METTL21A: variants seen among roughly 807,000 people sequenced by gnomAD.
METTL21A encodes protein N-lysine methyltransferase METTL21A.
In METTL21A, 22 loss-of-function variants were observed where a neutral mutation model predicts 20.9. That is an observed-to-expected ratio of 1.05 (90% CI 0.75 to 1.50). The LOEUF is 1.50. Among genes scored for constraint, METTL21A ranks in the 40% most tolerant of loss-of-function variants. METTL21A has a pLI of 0.00. For missense variants in METTL21A, 271 were observed against 266.8 expected, an observed-to-expected ratio of 1.02 and a Z score of -0.11; for synonymous variants, 93 against 102.0, an observed-to-expected ratio of 0.91 and a Z score of 0.53.
downstream of METTL21A, chr2:207,580,833 T>A (rs2082874750): frequency 4.5e-6 from 1 of 221,402 alleles, no homozygotes. Context: ...TGTGCCCATC[T>A]GGGTCTAGGA....
intron 3 of METTL21A, among the ~76,000 whole-genome samples, chr2:207,590,492 T>C (rs753570505): frequency 2.6e-5 from 4 of 152,108 alleles, no homozygotes; most frequent in African/African-American, 7.2e-5. Flanking sequence ...CTGCTTGCTT[T>C]GGTTTTTTTA....
chr2:207,592,350 T>TG (rs1363361880), intron 3 of METTL21A, among the ~76,000 whole-genome samples: 18 of 152,020 alleles, frequency 1.2e-4, no homozygotes, highest in Non-Finnish European at 2.4e-4. Flanking sequence ...GAGGTTGCAG[T>TG]AGCCCAGATC....
chr2:207,583,817 C>T (rs1022781616), intron 3 of METTL21A, among the ~76,000 whole-genome samples: 5 of 152,294 alleles, frequency 3.3e-5, no homozygotes, highest in African/African-American at 1.2e-4. Context: ...ACTAAGTATT[C>T]TCTTATATCC....
chr2:207,604,280 G>T (rs904542655), downstream of METTL21A, among the ~76,000 whole-genome samples: 6 of 152,174 alleles, frequency 3.9e-5, no homozygotes, highest in Admixed American at 1.3e-4. Context: ...TTTCGCCACT[G>T]AAGACTTAAC....
At chr2:207,615,567 G>C (rs530699867) in intron 3 of METTL21A, 3 of 152,102 alleles carry the variant, frequency 2.0e-5, no homozygotes, top group African/African-American at 4.8e-5. Context: ...ATGGTGGCGC[G>C]TGCCTGTAGT....
chr2:207,590,094 T>TTTTG (rs2084711099), intron 3 of METTL21A, among the ~76,000 whole-genome samples: 1 of 141,552 alleles, frequency 7.1e-6, no homozygotes, highest in African/African-American at 2.5e-5. Context: ...TTTTTTTTTT[T>TTTTG]TTTTTTTTTT....
chr2:207,581,695 A>AC (rs2082978498), exon 4 of METTL21A: 1 of 568,752 alleles, frequency 1.8e-6, no homozygotes, highest in Non-Finnish European at 3.1e-6. Flanking sequence ...TAATCTTAGT[A>AC]TATTACATAA....
chr2:207,602,992 G>C, intron 3 of METTL21A: 2 of 213,676 alleles, frequency 9.4e-6, no homozygotes, highest in Non-Finnish European at 1.9e-5. Flanking sequence ...TTGGCTTTTT[G>C]GTTTTTGAGG....
chr2:207,605,442 C>T (rs552985981), downstream of METTL21A, among the ~76,000 whole-genome samples: 13 of 152,166 alleles, frequency 8.5e-5, 1 homozygote, highest in East Asian at 9.7e-4. Flanking sequence ...GGGTACTAGG[C>T]CCTTATAATA....
intron 3 of METTL21A, chr2:207,582,918 A>AAT (rs1553505581): frequency 1.0e-4 from 27 of 258,352 alleles, no homozygotes; most frequent in African/African-American, 4.4e-4. Flanking sequence ...AACAAAAAAA[A>AAT]ATATATATAT....
chr2:207,618,488 C>A (rs1242280780), intron 3 of METTL21A, among the ~76,000 whole-genome samples: 1 of 152,042 alleles, frequency 6.6e-6, no homozygotes, highest in East Asian at 1.9e-4. Flanking sequence ...ATCACAAGGT[C>A]AGGAGTTCAA....
intron 3 of METTL21A, among the ~76,000 whole-genome samples, chr2:207,583,370 T>A (rs763588039): frequency 5.9e-5 from 9 of 152,224 alleles, no homozygotes; most frequent in Non-Finnish European, 1.3e-4. Flanking sequence ...TGTTTGTAAC[T>A]TCTTTCTCCG....
In METTL21A at chr2:207,621,983, G is replaced by C. The variant is rs570262801; in HGVS notation, c.148-66C>G. ...GTGCTTGAGTAGCTGCAGGGTTTCA[G>C]GTCAGCTACACCCACCCCTCTCCCA... On this transcript the variant is annotated intron_variant, in intron 2 of 3. Coordinates refer to ENST00000406927, the Ensembl canonical transcript of METTL21A. The C allele has an allele frequency of 3.6e-4, 501 of 1,382,258 alleles. 3 individuals are homozygous for C. Among genetic ancestry groups the C allele is most frequent in the South Asian group, 3.3e-3 (280 of 85,864 alleles). The allele number at this position is 1,382,258 out of a possible 1,614,324, so 85.6% of individuals were successfully genotyped here.
At chr2:207,621,725 C>A in intron 3 of METTL21A, 81 bp downstream of exon 3, 2 of 1,226,220 alleles carry the variant, frequency 1.6e-6, no homozygotes, top group Non-Finnish European at 2.4e-6. Context: ...GGAAAACCCA[C>A]GAAGGGTTTT....
intron 3 of METTL21A, among the ~76,000 whole-genome samples, chr2:207,617,839 T>A (rs967788668): frequency 1.3e-5 from 2 of 152,034 alleles, no homozygotes; most frequent in African/African-American, 4.8e-5. Flanking sequence ...CAGGAAATAG[T>A]TAAAAGACGG....
downstream of METTL21A, among the ~76,000 whole-genome samples, chr2:207,607,394 AAAAGAAAGAAAG>A (rs148420908): frequency 4.0e-5 from 6 of 151,406 alleles, no homozygotes; most frequent in South Asian, 2.1e-4. Context: ...CATCTCAAAA[AAAAGAAAGAAAG>A]AAAGAAAGAA....
intron 1 of METTL21A, 130 bp from the exon 2 acceptor site, chr2:207,624,534 T>C: frequency 1.2e-6 from 1 of 809,992 alleles, no homozygotes; most frequent in Non-Finnish European, 1.8e-6. Flanking sequence ...AGGAAGCCTT[T>C]GTCCAATTTC....
downstream of METTL21A, among the ~76,000 whole-genome samples, chr2:207,608,114 A>G (rs1367942127): frequency 6.6e-6 from 1 of 152,150 alleles, no homozygotes; most frequent in Non-Finnish European, 1.5e-5. Context: ...TAGTCCATGC[A>G]GGGTCATAAA....
downstream of METTL21A, among the ~76,000 whole-genome samples, chr2:207,604,560 GAT>G (rs1186077399): frequency 1.3e-5 from 2 of 152,160 alleles, no homozygotes; most frequent in African/African-American, 4.8e-5. Context: ...GGAAAGGAAG[GAT>G]AATGTCCAGG....
Sources: allele counts gnomAD v4.1 joint callset (sites outside exome capture counted in the v4.1 genomes callset), GRCh38; gene constraint gnomAD v4.1.1; transcripts MANE v1.5; gene names NCBI Gene and HGNC (gene_info 2026-07-23, HGNC 2026-07-21).